The following BMP7 variants were observed in gnomAD, a reference collection of about 807,000 sequenced individuals.
BMP7 encodes the protein osteogenic protein 1.
A neutral mutation model predicts 41.2 loss-of-function variants in BMP7; 12 were observed. The observed-to-expected ratio is 0.29, with a 90% CI of 0.19 to 0.47. The LOEUF (loss-of-function observed/expected upper bound fraction) is 0.47, where lower values mean the gene tolerates loss of function less well. BMP7 is among the 20% of genes least tolerant of loss of function. The pLI is 0.99. For missense variants in BMP7, 467 were observed against 606.0 expected (o/e 0.77, Z 2.41); for synonymous variants, 248 against 250.0 (o/e 0.99, Z 0.07).
At chr20:57,221,269 C>T (rs187470306) in intron 2 of BMP7, among the ~76,000 whole-genome samples, 84 of 152,280 alleles carry the variant, frequency 5.5e-4, no homozygotes, top group African/African-American at 1.8e-3. Flanking sequence ...GCTCCAGGTG[C>T]GTCTGCAAAG....
In BMP7 at chr20:57,212,286, CAG is replaced by C. The variant is rs547335950; in HGVS notation, c.612-9665_612-9664del. On this transcript the variant is annotated intron_variant, in intron 2 of 6. Transcript: ENST00000395863. ...AAAGGGCAGGGAAAAGCGTTCCCGG[CAG>C]AGAGAACCGAATGCGGAAGTCATGA... is the stretch of plus-strand genomic sequence containing the variant. Among the ~76,000 whole-genome samples the C allele has an allele frequency of 1.7e-3, 259 of 152,324 alleles. 1 individual carries two copies. The highest frequency in any genetic ancestry group is 5.7e-3 in the African/African-American group (237 of 41,564).
In BMP7 at chr20:57,261,128, A is replaced by G. The variant is rs993985703; in HGVS notation, c.418+4577T>C. Among the ~76,000 whole-genome samples, 1 of 152,208 alleles carries G rather than the reference A, an allele frequency of 6.6e-6. No homozygotes were observed. The highest frequency in any genetic ancestry group is 1.5e-5 in the Non-Finnish European group (1 of 68,044). ...TCTCTGAGTTCAGCGGACACGTGATATTCACTCACATCGCAGGCATTCCGG... is the reference window on the plus strand; with the variant it reads ...TCTCTGAGTTCAGCGGACACGTGATGTTCACTCACATCGCAGGCATTCCGG... On this transcript the variant is annotated intron_variant, in intron 1 of 6. Transcript: ENST00000395863. This position sits in a 1 kb window ranked among gnomAD's most constrained non-coding sequence, Gnocchi z 4.1.
chr20:57,173,662 A>G (rs748821240), intron 5 of BMP7: 3 of 369,854 alleles, frequency 8.1e-6, no homozygotes, highest in Non-Finnish European at 1.5e-5. Flanking sequence ...ATAAAAATGA[A>G]GGAAAGCCCC....
chr20:57,201,948 G>A (rs1984631217), intron 3 of BMP7, among the ~76,000 whole-genome samples: 1 of 152,218 alleles, frequency 6.6e-6, no homozygotes, highest in Admixed American at 6.5e-5. Flanking sequence ...TAATGTGGAA[G>A]GGACCAATGC....
At chr20:57,255,322 G>C (rs1457740129) in intron 1 of BMP7, among the ~76,000 whole-genome samples, 2 of 152,188 alleles carry the variant, frequency 1.3e-5, no homozygotes, top group Non-Finnish European at 2.9e-5. Flanking sequence ...TTACCCTGCA[G>C]AATACTGAGA....
chr20:57,266,049 C>T lies in BMP7; in HGVS notation c.74G>A (p.Arg25His). Residue 25 changes from arginine (R) to histidine (H), a missense_variant, in exon 1 of 7, where the codon CGC becomes CAC. Physicochemically the swap from Arg to His is conservative, Grantham distance 29. Coordinates refer to ENST00000395863, the MANE Select transcript of BMP7 (RefSeq NM_001719.3). ...VALWAPLFLL[R>H]SALADFSLDN... ...CAGGCTGAAGTCGGCCAGGGCGGAGCGCAGCAGGAACAGGGGTGCCCAGAG... is the reference window on the plus strand; with the variant it reads ...CAGGCTGAAGTCGGCCAGGGCGGAGTGCAGCAGGAACAGGGGTGCCCAGAG... 6.5e-7 allele frequency: 1 copy of T among 1,543,346 alleles called. No homozygotes were observed. Among genetic ancestry groups the T allele is most frequent in the East Asian group, 2.4e-5 (1 of 40,896 alleles).
chr20:57,183,910 A>G lies in BMP7; in HGVS notation c.770T>C (p.Ile257Thr), dbSNP rs1322461788. 3 of 1,613,672 alleles carry G rather than the reference A, an allele frequency of 1.9e-6. No individual in the cohort carries two copies. The highest frequency in any genetic ancestry group is 1.7e-5 in the Admixed American group (1 of 60,002). Residue 257 changes from isoleucine to threonine, a missense_variant, in exon 4 of 7, where the codon ATC (isoleucine) becomes ACC (threonine). By Grantham distance (89) the Ile-to-Thr change is moderately conservative. Transcript: ENST00000395863. ...AATCAGGCCCGCCAACTTGGGGTTGATGCTCTGCCCTGGACAGGAAGCAGC... is the reference window on the plus strand; with the variant it reads ...AATCAGGCCCGCCAACTTGGGGTTGGTGCTCTGCCCTGGACAGGAAGCAGC... Reference protein sequence around the residue: ...LSVETLDGQSINPKLAGLIGR... With the variant: ...LSVETLDGQSTNPKLAGLIGR...
intron 2 of BMP7, among the ~76,000 whole-genome samples, chr20:57,217,602 T>A (rs1194874488): frequency 2.6e-5 from 4 of 152,066 alleles, no homozygotes; most frequent in Non-Finnish European, 5.9e-5. Flanking sequence ...GGAGCGATAG[T>A]GGGAGAGGAC....
chr20:57,190,035 G>A (rs1984312952), intron 3 of BMP7, among the ~76,000 whole-genome samples: 1 of 152,246 alleles, frequency 6.6e-6, no homozygotes, highest in Admixed American at 6.5e-5. Context: ...CACATGCCAG[G>A]TTCATGAGAA....
At chr20:57,185,220 C>A (rs1381550471) in intron 3 of BMP7, among the ~76,000 whole-genome samples, 1 of 152,126 alleles carries the variant, frequency 6.6e-6, no homozygotes, top group African/African-American at 2.4e-5. Context: ...TTTTTAAAAT[C>A]TTTAGAATTT....
rs1407234023 is a variant in BMP7, at chr20:57,266,156, C to T, written c.-34G>A. ...CTCTACGCGCTACCCGGGCTCCGGG[C>T]TCCGGGCCCGCACCGCCCCAGGTGG... On this transcript the variant is annotated 5_prime_UTR_variant, in exon 1 of 7. Coordinates refer to ENST00000395863, the MANE Select transcript of BMP7 (RefSeq NM_001719.3). 7 of 1,496,960 alleles carry T rather than the reference C, an allele frequency of 4.7e-6. No individual in the cohort carries two copies. Among genetic ancestry groups the T allele is most frequent in the East Asian group, 2.5e-5 (1 of 39,768 alleles). 92.7% of individuals were successfully genotyped at this position (1,496,960 alleles called of 1,614,324 possible). A position where few individuals can be genotyped will look rare whatever the true frequency, so the allele number is the denominator to read the frequency against.
intron 1 of BMP7, among the ~76,000 whole-genome samples, chr20:57,250,201 C>T (rs1465173948): frequency 6.6e-6 from 1 of 151,722 alleles, no homozygotes; most frequent in Non-Finnish European, 1.5e-5. Context: ...GAGGCTGAGG[C>T]AGGAGGACTG....
chr20:57,246,345 C>G (rs1199244891), intron 1 of BMP7, among the ~76,000 whole-genome samples: 1 of 152,218 alleles, frequency 6.6e-6, no homozygotes, highest in Non-Finnish European at 1.5e-5. Context: ...TTAAATACAT[C>G]CTGGTTTTCA....
chr20:57,242,334 T>G (rs1434267098), intron 1 of BMP7, among the ~76,000 whole-genome samples: 1 of 151,996 alleles, frequency 6.6e-6, no homozygotes, highest in Non-Finnish European at 1.5e-5. Flanking sequence ...GAGTTGAGAG[T>G]CCTTGATCTG....
chr20:57,243,888 T>C (rs2066079431), intron 1 of BMP7: 1 of 150,716 alleles, frequency 6.6e-6, no homozygotes, highest in African/African-American at 2.4e-5. Flanking sequence ...TCCTCTCTTC[T>C]AGATTTTAAC....
chr20:57,263,309 G>A (rs2066161084), intron 1 of BMP7, among the ~76,000 whole-genome samples: 1 of 152,210 alleles, frequency 6.6e-6, no homozygotes, highest in Admixed American at 6.5e-5. Context: ...CTTTCAAGAT[G>A]AAAGAAATGG....
At chr20:57,221,412 G>A (rs902101676) in intron 2 of BMP7, among the ~76,000 whole-genome samples, 1 of 152,144 alleles carries the variant, frequency 6.6e-6, no homozygotes, top group Non-Finnish European at 1.5e-5. Context: ...AAAGAAAAAA[G>A]TGTATCCACC....
At chr20:57,264,412 C>G (rs1378661623) in intron 1 of BMP7, among the ~76,000 whole-genome samples, 1 of 152,244 alleles carries the variant, frequency 6.6e-6, no homozygotes, top group East Asian at 1.9e-4. Flanking sequence ...ACAGCGCTAT[C>G]GGGGTGTGTT....
chr20:57,179,533 G>C (rs1275155638), intron 4 of BMP7, among the ~76,000 whole-genome samples: 1 of 152,272 alleles, frequency 6.6e-6, no homozygotes, highest in Non-Finnish European at 1.5e-5. Context: ...AGCCCCGGGG[G>C]AGGGGGCTGG....
Sources: allele counts gnomAD v4.1 joint callset (sites outside exome capture counted in the v4.1 genomes callset), GRCh38; gene constraint gnomAD v4.1.1; non-coding constraint Gnocchi (gnomAD v3.1); transcripts MANE v1.5; gene names NCBI Gene and HGNC (gene_info 2026-07-23, HGNC 2026-07-21).